The following MTSS1 variants were observed in gnomAD, a reference collection of about 807,000 sequenced individuals.
MTSS1 encodes MTSS I-BAR domain containing 1, also known as protein MTSS 1.
MTSS1 carries 18 observed loss-of-function variants against 79.0 expected under a neutral mutation model. That is an observed-to-expected ratio of 0.23 (90% confidence interval 0.16 to 0.34). The LOEUF is 0.34. Among genes scored for constraint, MTSS1 ranks in the 10% least tolerant of loss-of-function variants. The pLI is 1.00. For synonymous variants in MTSS1, 341 were observed against 368.6 expected, an observed-to-expected ratio of 0.93 and a Z score of 0.86; for missense variants, 815 against 986.2, an observed-to-expected ratio of 0.83 and a Z score of 2.33.
intron 3 of MTSS1, 72 bp downstream of exon 3, chr8:124,699,454 T>C: frequency 2.2e-6 from 3 of 1,382,284 alleles, no homozygotes; most frequent in African/African-American, 1.4e-5. Context: ...CATCTTCTTG[T>C]GCAGCCACCC....
At chr8:124,695,478 CA>C (rs1305729201) in intron 3 of MTSS1, among the ~76,000 whole-genome samples, 1 of 152,186 alleles carries the variant, frequency 6.6e-6, no homozygotes, top group Non-Finnish European at 1.5e-5. Flanking sequence ...TGCTGCTGAC[CA>C]AAACAGCTTG....
chr8:124,665,347 T>C lies in MTSS1; in HGVS notation c.208+34179A>G, dbSNP rs541270638. On this transcript the variant is annotated intron_variant, in intron 3 of 13. Transcript: ENST00000518547. ...CCGTGGGCACTGCCTTCTCTCCTTT[T>C]TCCATCTCCGCAGACCTGAGTTCGT... Among the ~76,000 whole-genome samples, 10 of 152,348 alleles carry C rather than the reference T, an allele frequency of 6.6e-5. No homozygotes were observed. In the East Asian group the frequency reaches 1.2e-3, roughly 18 times the overall value.
chr8:124,717,250 G>A (rs1832174500), intron 1 of MTSS1, among the ~76,000 whole-genome samples: 1 of 152,168 alleles, frequency 6.6e-6, no homozygotes, highest in Non-Finnish European at 1.5e-5. Flanking sequence ...CCAGCACTTT[G>A]GGAGGCCAAG....
rs1304188886 is a variant in MTSS1 at position 124,552,111 on chromosome 8, A to G, written c.*881T>C. 1 of 152,672 alleles carries G rather than the reference A, an allele frequency of 6.5e-6. No homozygotes were observed. Among genetic ancestry groups the G allele is most frequent in the Admixed American group, 6.5e-5 (1 of 15,292 alleles). The allele number at this position is 152,672 out of a possible 1,614,324, so 9.5% of individuals were successfully genotyped here. A position where few individuals can be genotyped will look rare whatever the true frequency, so the allele number is the denominator to read the frequency against. ...ACCCTTTTGGATGTATTTGGATTCC[A>G]TAAAGGTGAGTACAATCAACGAGAA... is the stretch of plus-strand genomic sequence containing the variant. On this transcript the variant is annotated 3_prime_UTR_variant, in exon 14 of 14. Coordinates refer to ENST00000518547, the MANE Select transcript of MTSS1 (RefSeq NM_014751.6).
intron 5 of MTSS1, among the ~76,000 whole-genome samples, chr8:124,588,777 C>A (rs1484603012): frequency 6.6e-6 from 1 of 152,192 alleles, no homozygotes; most frequent in East Asian, 1.9e-4. Flanking sequence ...TGCAGTGGTG[C>A]AATCTCTGCT....
rs968834737 is a variant in MTSS1 at position 124,582,646 on chromosome 8, C to G, written c.460+2441G>C. ...ACAAAAAAAAAAATGTATCCAAAACCTTCATCCATCCGAACGCGTGGTGCG... is the reference window on the plus strand; with the variant it reads ...ACAAAAAAAAAAATGTATCCAAAACGTTCATCCATCCGAACGCGTGGTGCG... On this transcript the variant is annotated intron_variant, in intron 6 of 13. Transcript: ENST00000518547. The surrounding 1 kb of genome is among the most constrained non-coding windows in gnomAD (Gnocchi z 4.8). 2.0e-5 allele frequency among the ~76,000 whole-genome samples: 3 copies of G among 152,124 alleles called. No homozygotes were observed. The highest frequency in any genetic ancestry group is 1.3e-4 in the Admixed American group (2 of 15,290).
chr8:124,697,978 A>T (rs1174993594), intron 3 of MTSS1: 1 of 152,222 alleles, frequency 6.6e-6, no homozygotes, highest in Non-Finnish European at 1.5e-5. Context: ...TTAATTGCTC[A>T]CTTTTCTATA....
chr8:124,632,279 C>CAAAAAAA lies in MTSS1; in HGVS notation c.209-41051_209-41045dup, dbSNP rs59976165. Among the ~76,000 whole-genome samples, 128 of 69,078 alleles carry CAAAAAAA rather than the reference C, an allele frequency of 1.9e-3. 3 individuals are homozygous for CAAAAAAA. The highest frequency in any genetic ancestry group is 5.5e-3 in the East Asian group (13 of 2,382). 45.3% of individuals were successfully genotyped at this position (69,078 alleles called of 152,430 possible). Reference sequence around the variant, plus strand: ...TAGGAAGCAGAGTGAGACTCTGTCTCAAAAAAAAAAAAAAAAAAAGGTAAG... The same window carrying CAAAAAAA: ...TAGGAAGCAGAGTGAGACTCTGTCTCAAAAAAAAAAAAAAAAAAAAAAAAAAGGTAAG... On this transcript the variant is annotated intron_variant, in intron 3 of 13. Transcript: ENST00000518547.
At position 124,555,827 on chromosome 8, in the gene MTSS1, G is replaced by T. The variant is rs761809792; in HGVS notation, c.1482C>A (p.Ser494Arg). Residue 494 changes from serine (S) to arginine (R), a missense_variant, in exon 13 of 14, where the codon AGC becomes AGA. By Grantham distance (110) the Ser-to-Arg change is moderately radical (BLOSUM62 -1). This residue lies in a region of MTSS1 where 590 missense variants were observed against 620.8 expected (regional missense o/e 0.95). Coordinates refer to ENST00000518547, the MANE Select transcript of MTSS1 (RefSeq NM_014751.6). ...TGGAGCACTGAAGCGAGTCCCGGCTGCTCCTCTGGGTGTCCAGCTGCAGGC... is the reference window on the plus strand; with the variant it reads ...TGGAGCACTGAAGCGAGTCCCGGCTTCTCCTCTGGGTGTCCAGCTGCAGGC... ...SRGLQLDTQR[S>R]SRDSLQCSSG... 7 of 1,613,428 alleles carry T rather than the reference G, an allele frequency of 4.3e-6. 1 individual carries two copies. The South Asian group carries it at 7.7e-5, about 18-fold the overall frequency.
chr8:124,568,728 C>T (rs993570972), intron 6 of MTSS1, 192 bp from the exon 7 acceptor site: 69 of 1,488,836 alleles, frequency 4.6e-5, no homozygotes, highest in Middle Eastern at 1.8e-4. Flanking sequence ...TTTCAATGCC[C>T]AAAGGGCACA....
intron 3 of MTSS1, among the ~76,000 whole-genome samples, chr8:124,634,533 T>A (rs1816643684): frequency 6.6e-6 from 1 of 152,046 alleles, no homozygotes; most frequent in Admixed American, 6.6e-5. Flanking sequence ...CAAACCATAC[T>A]CCATAAATAT....
intron 5 of MTSS1, among the ~76,000 whole-genome samples, chr8:124,586,725 C>T (rs915130214): frequency 2.0e-5 from 3 of 152,150 alleles, no homozygotes. Context: ...CCTCTTGGCC[C>T]CTGTGCAGAC....
At chr8:124,565,264 G>T (rs1826142799) in intron 9 of MTSS1, among the ~76,000 whole-genome samples, 1 of 152,192 alleles carries the variant, frequency 6.6e-6, no homozygotes, top group Non-Finnish European at 1.5e-5. Flanking sequence ...GAGGGCATAA[G>T]CCATTGTTAC....
At chr8:124,600,351 A>G (rs1281825999) in intron 3 of MTSS1, among the ~76,000 whole-genome samples, 1 of 152,232 alleles carries the variant, frequency 6.6e-6, no homozygotes, top group Non-Finnish European at 1.5e-5. Context: ...AAACATTTAC[A>G]TAGCTTATAA....
chr8:124,576,367 G>C (rs1828957035), intron 6 of MTSS1, among the ~76,000 whole-genome samples: 1 of 152,144 alleles, frequency 6.6e-6, no homozygotes, highest in South Asian at 2.1e-4. Context: ...TGAATTTGGG[G>C]CAGTCTCATG....
chr8:124,645,747 G>T (rs1469353772), intron 3 of MTSS1, among the ~76,000 whole-genome samples: 3 of 152,036 alleles, frequency 2.0e-5, no homozygotes, highest in Admixed American at 6.6e-5. Context: ...AAAGCAAAAA[G>T]GATCATAAGC....
intron 3 of MTSS1, among the ~76,000 whole-genome samples, chr8:124,624,908 G>A (rs1350291751): frequency 6.6e-6 from 1 of 152,168 alleles, no homozygotes; most frequent in African/African-American, 2.4e-5. Flanking sequence ...GAAATTTCCT[G>A]ACACCCATTG....
intron 3 of MTSS1, among the ~76,000 whole-genome samples, chr8:124,610,327 C>T (rs939194419): frequency 6.6e-6 from 1 of 152,146 alleles, no homozygotes; most frequent in Non-Finnish European, 1.5e-5. Flanking sequence ...GCTCACAGTA[C>T]TCAAGACATA....
chr8:124,669,201 G>A lies in MTSS1; in HGVS notation c.208+30325C>T, dbSNP rs1009522154. ...AATTAGAGAAGATTTCAGCCCCACG[G>A]TTTTGGATTCTATTTTCTGGATAAA... On this transcript the variant is annotated intron_variant, in intron 3 of 13. Coordinates refer to ENST00000518547, the MANE Select transcript of MTSS1 (RefSeq NM_014751.6). Among the ~76,000 whole-genome samples, 4 of 152,310 alleles carry A rather than the reference G, an allele frequency of 2.6e-5. No homozygotes were observed. In the East Asian group the frequency reaches 5.8e-4, roughly 22 times the overall value.
Sources: allele counts gnomAD v4.1 joint callset (sites outside exome capture counted in the v4.1 genomes callset), GRCh38; gene constraint gnomAD v4.1.1; regional missense constraint gnomAD v4.1.1; non-coding constraint Gnocchi (gnomAD v3.1); transcripts MANE v1.5; gene names NCBI Gene and HGNC (gene_info 2026-07-23, HGNC 2026-07-21).